Variants in LRMDA observed in about 807,000 individuals in gnomAD.
The protein encoded by LRMDA is leucine rich melanocyte differentiation associated, also known as leucine-rich melanocyte differentiation-associated protein.
In LRMDA, 18 loss-of-function variants were observed where a neutral mutation model predicts 29.8. That is an observed-to-expected ratio of 0.60 (90% CI 0.42 to 0.90). The LOEUF is 0.90. LRMDA is among the 40% of genes least tolerant of loss of function. The pLI, the probability that LRMDA is intolerant of heterozygous loss-of-function variation, is 0.00. For synonymous variants in LRMDA, 125 were observed against 109.4 expected, an observed-to-expected ratio of 1.14 and a Z score of -0.89; for missense variants, 273 against 273.9, an observed-to-expected ratio of 1.00 and a Z score of 0.02.
At chr10:75,898,103 C>T (rs766074855) in intron 2 of LRMDA, among the ~76,000 whole-genome samples, 3 of 152,100 alleles carry the variant, frequency 2.0e-5, no homozygotes, top group Non-Finnish European at 2.9e-5. Context: ...GGATTACAGG[C>T]GTGAGCCACT....
At chr10:75,535,048 G>A (rs1224749243) in intron 2 of LRMDA, among the ~76,000 whole-genome samples, 2 of 152,112 alleles carry the variant, frequency 1.3e-5, no homozygotes, top group African/African-American at 4.8e-5. Context: ...TGTTATGCTT[G>A]TTGTAGAAAA....
intron 6 of LRMDA, among the ~76,000 whole-genome samples, chr10:76,455,967 A>C (rs1842452904): frequency 6.6e-6 from 1 of 152,166 alleles, no homozygotes; most frequent in Non-Finnish European, 1.5e-5. Context: ...TGTATGCACC[A>C]CAGTGAAGAA....
chr10:76,449,371 A>T (rs1334771670), intron 6 of LRMDA, among the ~76,000 whole-genome samples: 4 of 151,752 alleles, frequency 2.6e-5, no homozygotes, highest in Non-Finnish European at 5.9e-5. Context: ...ATTGCAGAGG[A>T]TTCCTTTTCT....
At chr10:75,560,169 G>T (rs1428015819) in intron 2 of LRMDA, among the ~76,000 whole-genome samples, 1 of 151,756 alleles carries the variant, frequency 6.6e-6, no homozygotes, top group Non-Finnish European at 1.5e-5. Flanking sequence ...CCATGAGCAT[G>T]GAATGTTCTT....
At chr10:75,480,645 ATT>A (rs1174822232) in intron 2 of LRMDA, among the ~76,000 whole-genome samples, 7 of 152,242 alleles carry the variant, frequency 4.6e-5, no homozygotes, top group African/African-American at 1.7e-4. Flanking sequence ...TCTGGACTTT[ATT>A]CATAGGCTAA....
intron 6 of LRMDA, among the ~76,000 whole-genome samples, chr10:76,451,330 T>C (rs1263664712): frequency 6.6e-6 from 1 of 152,006 alleles, no homozygotes; most frequent in Non-Finnish European, 1.5e-5. Context: ...GCCTCCCAAG[T>C]AGCTGGGACT....
rs935934384 is a variant in LRMDA at position 76,042,330 on chromosome 10, C to A, written c.259-4834C>A. Among the ~76,000 whole-genome samples the A allele has an allele frequency of 2.6e-5, 4 of 152,138 alleles. No individual in the cohort carries two copies. The South Asian group carries it at 8.3e-4, about 32-fold the overall frequency. On this transcript the variant is annotated intron_variant, in intron 3 of 6. Coordinates refer to ENST00000611255, the MANE Select transcript of LRMDA (RefSeq NM_001305581.2). ...TGGAGCTTCTGCCATACAAAATACCCAAAAGCAGGCAGGCTCTTAGAAATC... is the reference window on the plus strand; with the variant it reads ...TGGAGCTTCTGCCATACAAAATACCAAAAAGCAGGCAGGCTCTTAGAAATC...
intron 6 of LRMDA, among the ~76,000 whole-genome samples, chr10:76,358,430 T>G (rs1366523146): frequency 1.3e-5 from 2 of 152,224 alleles, no homozygotes; most frequent in African/African-American, 4.8e-5. Context: ...CTCTTGGCAT[T>G]AAGTGCTTGT....
intron 2 of LRMDA, among the ~76,000 whole-genome samples, chr10:75,505,011 T>C (rs1252265070): frequency 4.6e-5 from 7 of 152,086 alleles, no homozygotes; most frequent in Non-Finnish European, 8.8e-5. Context: ...GAGTGATTGA[T>C]ACAGATTAAC....
At chr10:75,483,640 A>G (rs1274298446) in intron 2 of LRMDA, among the ~76,000 whole-genome samples, 2 of 152,232 alleles carry the variant, frequency 1.3e-5, no homozygotes, top group Non-Finnish European at 2.9e-5. Context: ...AGTTAATTGA[A>G]TGAAATGGAA....
At chr10:75,589,358 TTAAG>T (rs1840693510) in intron 2 of LRMDA, among the ~76,000 whole-genome samples, 1 of 152,220 alleles carries the variant, frequency 6.6e-6, no homozygotes, top group Non-Finnish European at 1.5e-5. Context: ...ATGAATGAGA[TTAAG>T]TATTCTATTA....
chr10:75,629,320 C>T (rs1452217190), intron 2 of LRMDA, among the ~76,000 whole-genome samples: 1 of 152,158 alleles, frequency 6.6e-6, no homozygotes, highest in Non-Finnish European at 1.5e-5. Flanking sequence ...TGTAGGTTTT[C>T]TTTCCCCAAT....
At chr10:75,765,756 C>T (rs1843155573) in intron 2 of LRMDA, among the ~76,000 whole-genome samples, 1 of 151,852 alleles carries the variant, frequency 6.6e-6, no homozygotes, top group Admixed American at 6.6e-5. Context: ...AAAGGAGCCA[C>T]CTTCGCCTCT....
chr10:76,257,858 G>A (rs1852626678), intron 5 of LRMDA, among the ~76,000 whole-genome samples: 1 of 152,098 alleles, frequency 6.6e-6, no homozygotes, highest in Non-Finnish European at 1.5e-5. Flanking sequence ...GGTCACAAAT[G>A]GCCTCACATG....
chr10:75,553,726 G>T (rs1429947283), intron 2 of LRMDA, among the ~76,000 whole-genome samples: 1 of 152,120 alleles, frequency 6.6e-6, no homozygotes. Flanking sequence ...TTTTAAGGAG[G>T]AAGTGGCTTC....
chr10:75,756,714 C>T (rs1373818752), intron 2 of LRMDA, among the ~76,000 whole-genome samples: 3 of 152,134 alleles, frequency 2.0e-5, no homozygotes, highest in South Asian at 2.1e-4. Flanking sequence ...TTAATCTGTA[C>T]AAGTCATGTG....
intron 2 of LRMDA, among the ~76,000 whole-genome samples, chr10:75,772,654 TG>T (rs1434485368): frequency 1.3e-5 from 2 of 152,166 alleles, no homozygotes; most frequent in Admixed American, 1.3e-4. Context: ...AGCAAATATT[TG>T]GGTAATGAGG....
intron 2 of LRMDA, among the ~76,000 whole-genome samples, chr10:75,894,168 C>T (rs1053406836): frequency 6.6e-6 from 1 of 151,934 alleles, no homozygotes; most frequent in African/African-American, 2.4e-5. Flanking sequence ...AGTCTTTTAT[C>T]CCTCGTCCCC....
chr10:76,235,024 A>G (rs1024539570), intron 5 of LRMDA, among the ~76,000 whole-genome samples: 20 of 152,244 alleles, frequency 1.3e-4, no homozygotes, highest in East Asian at 3.8e-4. Flanking sequence ...CTTTCAGCCT[A>G]TCTTGGCTTT....
Sources: allele counts gnomAD v4.1 joint callset (sites outside exome capture counted in the v4.1 genomes callset), GRCh38; gene constraint gnomAD v4.1.1; transcripts MANE v1.5; gene names NCBI Gene and HGNC (gene_info 2026-07-23, HGNC 2026-07-21).